The following RASA3 variants were observed in gnomAD, a reference collection of about 807,000 sequenced individuals.
The protein encoded by RASA3 is RAS p21 protein activator 3.
In RASA3, 73 loss-of-function variants were observed where a neutral mutation model predicts 110.0. The ratio of observed to expected loss-of-function variants is 0.66; its 90% CI spans 0.55 to 0.81. The LOEUF is 0.81. RASA3 is among the 30% of genes least tolerant of loss of function. The pLI is 0.00. For missense variants in RASA3, 976 were observed against 1,113.2 expected, an observed-to-expected ratio of 0.88 and a Z score of 1.75; for synonymous variants, 500 against 451.4, an observed-to-expected ratio of 1.11 and a Z score of -1.37.
intron 4 of RASA3, among the ~76,000 whole-genome samples, chr13:114,039,661 C>T (rs2054355576): frequency 1.3e-5 from 2 of 150,342 alleles, no homozygotes; most frequent in African/African-American, 2.5e-5. Context: ...CTGGTGCAGG[C>T]TTGGGCTCCG....
At chr13:114,108,192 C>T (rs2080159743) in intron 1 of RASA3, among the ~76,000 whole-genome samples, 1 of 151,598 alleles carries the variant, frequency 6.6e-6, no homozygotes, top group Non-Finnish European at 1.5e-5. Context: ...CGTCACCCCG[C>T]AGCTGTCATC....
chr13:113,992,673 C>A, intron 21 of RASA3, 85 bp from the exon 22 acceptor site: 1 of 1,046,042 alleles, frequency 9.6e-7, no homozygotes, highest in East Asian at 2.6e-5. Context: ...TAAAATGTCA[C>A]TGAAGAAAGA....
chr13:114,028,528 G>A (rs1271304004), intron 5 of RASA3, among the ~76,000 whole-genome samples: 1 of 140,314 alleles, frequency 7.1e-6, no homozygotes, highest in Admixed American at 7.0e-5. Context: ...CATCCTGGGG[G>A]CCCAGAACCT....
intron 1 of RASA3, among the ~76,000 whole-genome samples, chr13:114,076,511 GCGCACACACGCAGCACA>G (rs1297831993): frequency 6.6e-6 from 1 of 151,156 alleles, no homozygotes; most frequent in Non-Finnish European, 1.5e-5. Flanking sequence ...CACACACGCA[GCGCACACACGCAGCACA>G]CGCACGCAGG....
intron 4 of RASA3, among the ~76,000 whole-genome samples, chr13:114,037,642 G>A (rs2054303586): frequency 6.6e-6 from 1 of 152,166 alleles, no homozygotes; most frequent in Non-Finnish European, 1.5e-5. Flanking sequence ...CCACTGAATT[G>A]GACATTTTAA....
At position 114,096,308 on chromosome 13, in the gene RASA3, C is replaced by G. The variant is rs920810123; in HGVS notation, c.56-22471G>C. Among the ~76,000 whole-genome samples the G allele has an allele frequency of 6.6e-6, 1 of 152,202 alleles. No individual in the cohort carries two copies. Among genetic ancestry groups the G allele is most frequent in the Admixed American group, 6.5e-5 (1 of 15,282 alleles). On this transcript the variant is annotated intron_variant, in intron 1 of 23. Coordinates refer to ENST00000334062, the MANE Select transcript of RASA3 (RefSeq NM_007368.4). The surrounding 1 kb of genome is among the most constrained non-coding windows in gnomAD (Gnocchi z 5.1). ...ATCGGGTCTGAGAGCTGCTCACCGA[C>G]CCATGCCTCCTCTAGCAAATCGCCT...
At chr13:114,031,592 C>CTG (rs2139401378) in intron 4 of RASA3, among the ~76,000 whole-genome samples, 2 of 151,726 alleles carry the variant, frequency 1.3e-5, no homozygotes, top group South Asian at 4.2e-4. Flanking sequence ...GCATGTCTGC[C>CTG]TGTGTGTGCA....
chr13:114,074,051 G>A (rs1322224968), intron 1 of RASA3, among the ~76,000 whole-genome samples: 1 of 152,186 alleles, frequency 6.6e-6, no homozygotes. Context: ...TGCAAGTCCC[G>A]CAAGCAGGGA....
At chr13:114,058,728 G>T (rs1464438893) in intron 2 of RASA3, among the ~76,000 whole-genome samples, 1 of 152,234 alleles carries the variant, frequency 6.6e-6, no homozygotes, top group African/African-American at 2.4e-5. Flanking sequence ...CAGTCCCCAG[G>T]GACCAAGTCC....
intron 2 of RASA3, among the ~76,000 whole-genome samples, chr13:114,060,338 A>G (rs1312441259): frequency 6.6e-6 from 1 of 152,220 alleles, no homozygotes; most frequent in East Asian, 1.9e-4. Context: ...GGACGGATGC[A>G]CGGATGGGGC....
At position 114,027,384 on chromosome 13, in the gene RASA3, C is replaced by G; in HGVS notation, c.603+5G>C. On this transcript the variant is annotated splice_donor_5th_base_variant and intron_variant, in intron 7 of 23. Coordinates refer to ENST00000334062, the MANE Select transcript of RASA3 (RefSeq NM_007368.4). Reference sequence around the variant, plus strand: ...CACTTAACGTTGACCCATGAAGATACCAACCTCAAAATAAAACACTTCATC... The same window carrying G: ...CACTTAACGTTGACCCATGAAGATAGCAACCTCAAAATAAAACACTTCATC... The G allele has an allele frequency of 6.2e-7, 1 of 1,606,112 alleles. No homozygotes were observed. Among genetic ancestry groups the G allele is most frequent in the Non-Finnish European group, 8.5e-7 (1 of 1,172,906 alleles).
intron 21 of RASA3, among the ~76,000 whole-genome samples, chr13:113,992,880 T>G (rs993664529): frequency 2.6e-5 from 4 of 152,208 alleles, no homozygotes; most frequent in African/African-American, 4.8e-5. Context: ...TGGCAAAAGA[T>G]CCTTGCTGTT....
intron 13 of RASA3, among the ~76,000 whole-genome samples, 181 bp from the exon 14 acceptor site, chr13:114,015,513 T>A (rs1043293742): frequency 1.3e-5 from 2 of 152,174 alleles, no homozygotes; most frequent in East Asian, 3.9e-4. Context: ...CTGTGGCAAT[T>A]CACGCGTGAA....
chr13:114,021,577 ACG>A, intron 8 of RASA3, 69 bp from the exon 9 acceptor site: 1 of 1,282,488 alleles, frequency 7.8e-7, no homozygotes, highest in Admixed American at 1.8e-5. Context: ...ATGACAGGCC[ACG>A]CTTTGTTCCC....
intron 2 of RASA3, among the ~76,000 whole-genome samples, chr13:114,059,487 C>T (rs534489691): frequency 6.6e-6 from 1 of 152,258 alleles, no homozygotes; most frequent in African/African-American, 2.4e-5. Flanking sequence ...GGGGGAAGCA[C>T]GACTTTGAAG....
At position 113,979,057 on chromosome 13, in the gene RASA3, G is replaced by T. The variant is rs1417237128; in HGVS notation, c.*290C>A. 6.6e-6 allele frequency: 3 copies of T among 456,394 alleles called. No homozygotes were observed. The highest frequency in any genetic ancestry group is 1.2e-3 in the Middle Eastern group (2 of 1,654). The allele number at this position is 456,394 out of a possible 1,614,324, so 28.3% of individuals were successfully genotyped here. The stretch of plus-strand genomic sequence containing the variant: ...CTGGCTGTGGTGTGGCTAGGGCACA[G>T]CCCACACTTCCTGATCCTTCAGCTG... On this transcript the variant is annotated 3_prime_UTR_variant, in exon 24 of 24. Coordinates refer to ENST00000334062, the MANE Select transcript of RASA3 (RefSeq NM_007368.4).
chr13:114,114,272 T>A lies in RASA3; in HGVS notation c.55+18163A>T, dbSNP rs1237013315. Among the ~76,000 whole-genome samples, 1 of 152,134 alleles carries A rather than the reference T, an allele frequency of 6.6e-6. No individual in the cohort carries two copies. Among genetic ancestry groups the A allele is most frequent in the Non-Finnish European group, 1.5e-5 (1 of 68,028 alleles). On this transcript the variant is annotated intron_variant, in intron 1 of 23. Transcript: ENST00000334062. This position sits in a 1 kb window ranked among gnomAD's most constrained non-coding sequence, Gnocchi z 4.8. ...GGCAACCGCAAATTCAGCTGCGGAG[T>A]GCAAAACGAATTTCCTCCTGTCACA...
In RASA3 at chr13:114,011,118, A is replaced by T; in HGVS notation, c.1590+53T>A. 2 of 1,468,504 alleles carry T rather than the reference A, an allele frequency of 1.4e-6. No individual in the cohort carries two copies. The highest frequency in any genetic ancestry group is 1.9e-6 in the Non-Finnish European group (2 of 1,055,432). The allele number at this position is 1,468,504 out of a possible 1,614,324, so 91.0% of individuals were successfully genotyped here. A position where few individuals can be genotyped will look rare whatever the true frequency, so the allele number is the denominator to read the frequency against. Reference sequence around the variant, plus strand: ...GGTTTTTCACGTGTATTTTCTGAAGAGAGAAAAGAATCAGTTGTCCCTAAA... The same window carrying T: ...GGTTTTTCACGTGTATTTTCTGAAGTGAGAAAAGAATCAGTTGTCCCTAAA... On this transcript the variant is annotated intron_variant, in intron 16 of 23. Coordinates refer to ENST00000334062, the MANE Select transcript of RASA3 (RefSeq NM_007368.4). The surrounding 1 kb of genome is among the most constrained non-coding windows in gnomAD (Gnocchi z 4.8).
chr13:114,109,904 C>CAG (rs1186261127), intron 1 of RASA3, among the ~76,000 whole-genome samples: 6 of 152,200 alleles, frequency 3.9e-5, no homozygotes, highest in African/African-American at 1.4e-4. Context: ...AGGCAGCCCC[C>CAG]AGAACACCCT....
Sources: gnomAD v4.1 joint callset for allele counts (sites outside exome capture counted in the v4.1 genomes callset) on GRCh38, gnomAD v4.1.1 for gene constraint, Gnocchi (gnomAD v3.1) non-coding constraint, MANE v1.5 for transcripts, NCBI Gene and HGNC (gene_info 2026-07-23, HGNC 2026-07-21) for gene names.